Variants in FAM227B observed in about 807,000 individuals in gnomAD.
FAM227B encodes protein FAM227B.
FAM227B carries 88 observed loss-of-function variants against 73.8 expected under a neutral mutation model. The observed-to-expected ratio is 1.19, with a 90% confidence interval of 1.00 to 1.42. FAM227B has a LOEUF of 1.42. FAM227B is among the 40% of genes most tolerant of loss of function. The probability of loss-of-function intolerance (pLI) is 0.00; values close to 1 mark genes in which losing one functional copy is unlikely to be tolerated. For synonymous variants in FAM227B, 210 were observed against 190.5 expected (o/e 1.10, Z -0.84); for missense variants, 632 against 590.9 (o/e 1.07, Z -0.72).
intron 11 of FAM227B, among the ~76,000 whole-genome samples, chr15:49,373,202 G>T (rs1228364422): frequency 6.6e-6 from 1 of 151,804 alleles, no homozygotes; most frequent in African/African-American, 2.4e-5. Flanking sequence ...CAAATCACCT[G>T]AGCTTAATTG....
At chr15:49,360,956 A>G (rs1156872244) in intron 13 of FAM227B, among the ~76,000 whole-genome samples, 1 of 152,150 alleles carries the variant, frequency 6.6e-6, no homozygotes, top group Non-Finnish European at 1.5e-5. Context: ...CACATAGACA[A>G]TAATGTCATC....
chr15:49,526,966 A>G (rs918030309), intron 10 of FAM227B, among the ~76,000 whole-genome samples: 4 of 152,026 alleles, frequency 2.6e-5, no homozygotes, highest in Non-Finnish European at 4.4e-5. Context: ...TGTTCAAAGA[A>G]GAGCTAGTTT....
intron 11 of FAM227B, among the ~76,000 whole-genome samples, chr15:49,375,763 C>T (rs2046119996): frequency 6.6e-6 from 1 of 151,814 alleles, no homozygotes; most frequent in Admixed American, 6.6e-5. Flanking sequence ...TTACTTTTCC[C>T]ATGATATGTA....
At chr15:49,550,922 A>C (rs1244155812) in intron 9 of FAM227B, among the ~76,000 whole-genome samples, 5 of 152,156 alleles carry the variant, frequency 3.3e-5, no homozygotes, top group Admixed American at 6.5e-5. Flanking sequence ...TTGGGAGGCC[A>C]AGGCAGGCGG....
chr15:49,532,954 G>A (rs138946343), intron 10 of FAM227B, among the ~76,000 whole-genome samples: 46 of 151,882 alleles, frequency 3.0e-4, no homozygotes, highest in East Asian at 1.4e-3. Flanking sequence ...AGAAAGGCTC[G>A]TGTGACTAAA....
At chr15:49,489,883 T>TATATATATATATAGAGAG (rs1555505060) in intron 11 of FAM227B, among the ~76,000 whole-genome samples, 5 of 22,944 alleles carry the variant, frequency 2.2e-4, no homozygotes, top group Admixed American at 1.4e-3. Flanking sequence ...TATATATATA[T>TATATATATATATAGAGAG]AGAGAGAGAG....
intron 11 of FAM227B, among the ~76,000 whole-genome samples, chr15:49,507,097 T>A (rs1289027104): frequency 6.9e-6 from 1 of 145,594 alleles, no homozygotes; most frequent in Non-Finnish European, 1.5e-5. Context: ...CCACCCCCCA[T>A]AACAATATAT....
intron 13 of FAM227B, among the ~76,000 whole-genome samples, chr15:49,350,251 G>A (rs1200355752): frequency 1.3e-5 from 2 of 152,178 alleles, no homozygotes; most frequent in African/African-American, 4.8e-5. Context: ...AATGTGGCGA[G>A]TGTATCAGAT....
Position 49,328,352 on chromosome 15 carries a change from T to C in FAM227B, c.*216A>G, listed in dbSNP as rs576306720. 7.0e-6 allele frequency: 10 copies of C among 1,429,344 alleles called. No homozygotes were observed. The highest frequency in any genetic ancestry group is 1.6e-5 in the South Asian group (1 of 63,972). 88.5% of individuals were successfully genotyped at this position (1,429,344 alleles called of 1,614,324 possible). ...ATGATTCTTTTTCCATCTTAAAATATGGTTTTACTATTAAGAGCCAAGATC... is the reference window on the plus strand; with the variant it reads ...ATGATTCTTTTTCCATCTTAAAATACGGTTTTACTATTAAGAGCCAAGATC... On this transcript the variant is annotated 3_prime_UTR_variant, in exon 16 of 16. Transcript: ENST00000299338.
At chr15:49,405,461 T>G (rs1445618777) in intron 11 of FAM227B, among the ~76,000 whole-genome samples, 1 of 152,216 alleles carries the variant, frequency 6.6e-6, no homozygotes, top group Non-Finnish European at 1.5e-5. Context: ...TTTTTATTCT[T>G]TTTTCTCTAT....
chr15:49,434,078 ACT>A (rs1357103049), intron 11 of FAM227B, among the ~76,000 whole-genome samples: 1 of 151,066 alleles, frequency 6.6e-6, no homozygotes, highest in Non-Finnish European at 1.5e-5. Context: ...TGGTGAATCC[ACT>A]CTCAATTCGT....
At chr15:49,441,284 A>G (rs1300579828) in intron 11 of FAM227B, among the ~76,000 whole-genome samples, 1 of 151,808 alleles carries the variant, frequency 6.6e-6, no homozygotes, top group African/African-American at 2.4e-5. Context: ...ATACTTATTT[A>G]GCATCAATTT....
At chr15:49,354,128 A>G (rs1321329343) in intron 13 of FAM227B, 1 of 152,070 alleles carries the variant, frequency 6.6e-6, no homozygotes, top group Non-Finnish European at 1.5e-5. Flanking sequence ...TATAGCTTTT[A>G]TTTTTATGCT....
intron 11 of FAM227B, among the ~76,000 whole-genome samples, chr15:49,378,237 T>G (rs562178718): frequency 1.3e-5 from 2 of 152,044 alleles, no homozygotes; most frequent in Non-Finnish European, 2.9e-5. Context: ...TTTATGCCAG[T>G]ACCATGCTGT....
At chr15:49,576,603 G>A (rs1477920907) in intron 7 of FAM227B, 138 bp downstream of exon 7, 5 of 608,096 alleles carry the variant, frequency 8.2e-6, no homozygotes, top group Non-Finnish European at 1.4e-5. Flanking sequence ...ACACATCACT[G>A]GTCTTTCCTG....
Position 49,536,092 on chromosome 15 carries a change from A to ATT in FAM227B, c.874+5587_874+5588insAA, listed in dbSNP as rs2070219674. Among the ~76,000 whole-genome samples, 6 of 144,524 alleles carry ATT rather than the reference A, an allele frequency of 4.2e-5. No homozygotes were observed. The South Asian group carries it at 1.3e-3, about 32-fold the overall frequency. 94.8% of individuals were successfully genotyped at this position (144,524 alleles called of 152,430 possible). A position where few individuals can be genotyped will look rare whatever the true frequency, so the allele number is the denominator to read the frequency against. On this transcript the variant is annotated intron_variant, in intron 10 of 15. Coordinates refer to ENST00000299338, the MANE Select transcript of FAM227B (RefSeq NM_152647.3). ...TCAGACAAAAAAAAAAAAAAAAAAG[A>ATT]AAAAAGAAAGAAAAAACTTGAAAAT...
intron 11 of FAM227B, chr15:49,486,072 T>C (rs1169648029): frequency 6.6e-6 from 1 of 152,020 alleles, no homozygotes; most frequent in Admixed American, 6.6e-5. Flanking sequence ...TAGCACTTTA[T>C]ATGTTCACCA....
intron 5 of FAM227B, among the ~76,000 whole-genome samples, chr15:49,582,078 T>C (rs1434145507): frequency 1.3e-5 from 2 of 152,084 alleles, no homozygotes; most frequent in African/African-American, 4.8e-5. Flanking sequence ...TAAACAAATC[T>C]TCATAATAAC....
At chr15:49,505,513 A>ACAC (rs1326596928) in intron 11 of FAM227B, among the ~76,000 whole-genome samples, 1 of 152,142 alleles carries the variant, frequency 6.6e-6, no homozygotes, top group African/African-American at 2.4e-5. Context: ...AGCAAAAAAG[A>ACAC]CACGGGGGTG....
Sources: gnomAD v4.1 joint callset for allele counts (sites outside exome capture counted in the v4.1 genomes callset) on GRCh38, gnomAD v4.1.1 for gene constraint, MANE v1.5 for transcripts, NCBI Gene and HGNC (gene_info 2026-07-23, HGNC 2026-07-21) for gene names.